TOP1: variants seen among roughly 807,000 people sequenced by gnomAD.
TOP1 encodes the protein DNA topoisomerase I.
TOP1 carries 10 observed loss-of-function variants against 111.1 expected under a neutral mutation model. The observed-to-expected ratio is 0.09, with a 90% CI of 0.06 to 0.15. The LOEUF is 0.15. TOP1 is among the 10% of genes least tolerant of loss of function. The probability of loss-of-function intolerance (pLI) is 1.00; values close to 1 mark genes in which losing one functional copy is unlikely to be tolerated. For synonymous variants in TOP1, 271 were observed against 302.9 expected (o/e 0.89, Z 1.10); for missense variants, 474 against 926.7 (o/e 0.51, Z 6.34).
At chr20:41,045,606 C>A (rs929330488) in intron 2 of TOP1, among the ~76,000 whole-genome samples, 65 of 152,284 alleles carry the variant, frequency 4.3e-4, no homozygotes, top group African/African-American at 1.4e-3. Context: ...TTTATGTACA[C>A]CTTTATGGAT....
intron 2 of TOP1, among the ~76,000 whole-genome samples, chr20:41,036,836 T>TTTC (rs1555802403): frequency 6.9e-6 from 1 of 144,366 alleles, no homozygotes; most frequent in African/African-American, 2.5e-5. Flanking sequence ...ACTTTTCTTT[T>TTTC]TTTTTTTTTT....
chr20:41,123,424 G>T lies in TOP1; in HGVS notation c.*127G>T. The T allele has an allele frequency of 1.6e-6, 1 of 621,670 alleles. No individual in the cohort carries two copies. Among genetic ancestry groups the T allele is most frequent in the African/African-American group, 1.9e-5 (1 of 53,812 alleles). 38.5% of individuals were successfully genotyped at this position (621,670 alleles called of 1,614,324 possible). A position where few individuals can be genotyped will look rare whatever the true frequency, so the allele number is the denominator to read the frequency against. ...CAAGTCTTAACAAACCAACATCTTTGCGAAAAGATAAACCTGGAGATATTA... is the reference window on the plus strand; with the variant it reads ...CAAGTCTTAACAAACCAACATCTTTTCGAAAAGATAAACCTGGAGATATTA... On this transcript the variant is annotated 3_prime_UTR_variant, in exon 21 of 21. Transcript: ENST00000361337. This position sits in a 1 kb window ranked among gnomAD's most constrained non-coding sequence, Gnocchi z 5.8.
chr20:41,110,567 C>T lies in TOP1; in HGVS notation c.1309-2215C>T, dbSNP rs2145961738. Among the ~76,000 whole-genome samples the T allele has an allele frequency of 6.6e-6, 1 of 151,474 alleles. No homozygotes were observed. On this transcript the variant is annotated intron_variant, in intron 13 of 20. Coordinates refer to ENST00000361337, the MANE Select transcript of TOP1 (RefSeq NM_003286.4). This position sits in a 1 kb window ranked among gnomAD's most constrained non-coding sequence, Gnocchi z 4.2. ...TCTTGAATCCAGATCCTGATTCCACCCAACCACTCTGCTGAATGGATAGCA... is the reference window on the plus strand; with the variant it reads ...TCTTGAATCCAGATCCTGATTCCACTCAACCACTCTGCTGAATGGATAGCA...
intron 2 of TOP1, among the ~76,000 whole-genome samples, chr20:41,038,664 T>C (rs1346828085): frequency 6.6e-6 from 1 of 152,080 alleles, no homozygotes; most frequent in African/African-American, 2.4e-5. Flanking sequence ...CACCACTTTG[T>C]TTGTTTCTCA....
intron 8 of TOP1, among the ~76,000 whole-genome samples, chr20:41,088,279 A>T (rs921259304): frequency 3.9e-5 from 6 of 152,114 alleles, no homozygotes; most frequent in African/African-American, 9.7e-5. Flanking sequence ...CGGGCAGATC[A>T]CGAGGTCAGT....
At position 41,110,716 on chromosome 20, in the gene TOP1, G is replaced by C. The variant is rs528268184; in HGVS notation, c.1309-2066G>C. ...GAAGTGTGATTGAATTAGGGAAAGA[G>C]GAGAGGTGGTCAAAGGCAGCCTTCT... On this transcript the variant is annotated intron_variant, in intron 13 of 20. Transcript: ENST00000361337. The surrounding 1 kb of genome is among the most constrained non-coding windows in gnomAD (Gnocchi z 4.2). Among the ~76,000 whole-genome samples, 1 of 152,366 alleles carries C rather than the reference G, an allele frequency of 6.6e-6. No homozygotes were observed. The highest frequency in any genetic ancestry group is 1.9e-4 in the East Asian group (1 of 5,194).
chr20:41,089,112 C>T (rs994209722), intron 8 of TOP1, among the ~76,000 whole-genome samples: 2 of 145,626 alleles, frequency 1.4e-5, no homozygotes, highest in South Asian at 4.3e-4. Flanking sequence ...GCAACCTTCG[C>T]CTCCTGGGTT....
rs772134783 is a variant in TOP1, at chr20:41,092,632, C to T, written c.730+45C>T. 41 of 935,232 alleles carry T rather than the reference C, an allele frequency of 4.4e-5. No individual in the cohort carries two copies. Among genetic ancestry groups the T allele is most frequent in the Non-Finnish European group, 1.5e-5 (9 of 604,452 alleles). 57.9% of individuals were successfully genotyped at this position (935,232 alleles called of 1,614,324 possible). On this transcript the variant is annotated intron_variant, in intron 9 of 20. Transcript: ENST00000361337. The surrounding 1 kb of genome is among the most constrained non-coding windows in gnomAD (Gnocchi z 4.3). Reference sequence around the variant, plus strand: ...TTGATTCTTGGCCAGGAAAAGAAATCTGCTTCTATTTAGGGATAGAAAACA... The same window carrying T: ...TTGATTCTTGGCCAGGAAAAGAAATTTGCTTCTATTTAGGGATAGAAAACA...
chr20:41,099,052 A>G (rs967101721), intron 11 of TOP1, among the ~76,000 whole-genome samples: 3 of 152,178 alleles, frequency 2.0e-5, no homozygotes, highest in Non-Finnish European at 4.4e-5. Flanking sequence ...ATTTTTACCA[A>G]TCGGAAGTCC....
chr20:41,056,078 C>G (rs961730192), intron 2 of TOP1, among the ~76,000 whole-genome samples: 4 of 152,180 alleles, frequency 2.6e-5, no homozygotes, highest in Non-Finnish European at 4.4e-5. Flanking sequence ...ATCCCCGTAT[C>G]CCTTGGTGCT....
chr20:41,042,099 G>A (rs191528948), intron 2 of TOP1, among the ~76,000 whole-genome samples: 11 of 152,178 alleles, frequency 7.2e-5, no homozygotes, highest in African/African-American at 2.4e-4. Flanking sequence ...TAGTGGAGAC[G>A]GAGTTTTGCC....
chr20:41,123,471 G>C lies in TOP1; in HGVS notation c.*174G>C, dbSNP rs1223037785. ...ATTATAAGGGAGAGCTGAGCCAGTT[G>C]TCCTATGGACAACTTATTTAAAAAT... On this transcript the variant is annotated 3_prime_UTR_variant, in exon 21 of 21. Coordinates refer to ENST00000361337, the MANE Select transcript of TOP1 (RefSeq NM_003286.4). The surrounding 1 kb of genome is among the most constrained non-coding windows in gnomAD (Gnocchi z 5.8). The C allele has an allele frequency of 2.1e-6, 1 of 482,170 alleles. No homozygotes were observed. Among genetic ancestry groups the C allele is most frequent in the Non-Finnish European group, 3.6e-6 (1 of 273,988 alleles). The allele number at this position is 482,170 out of a possible 1,614,324, so 29.9% of individuals were successfully genotyped here.
At chr20:41,036,943 G>C (rs1057038227) in intron 2 of TOP1, among the ~76,000 whole-genome samples, 1 of 148,530 alleles carries the variant, frequency 6.7e-6, no homozygotes, top group Non-Finnish European at 1.5e-5. Context: ...CCATTCTCCT[G>C]CCTTAGCCTC....
chr20:41,088,145 G>T (rs6093438), intron 8 of TOP1, among the ~76,000 whole-genome samples: 2,841 of 152,260 alleles, frequency 0.019, 86 homozygotes, highest in African/African-American at 0.064. Context: ...AGTTGCTGTG[G>T]GTCTTCAGGA....
At chr20:41,077,504 A>T (rs1053818335) in intron 4 of TOP1, 78 bp from the exon 5 acceptor site, 3 of 1,151,510 alleles carry the variant, frequency 2.6e-6, no homozygotes, top group Admixed American at 1.7e-5. Context: ...CCAGGAACTG[A>T]TGCTACATAT....
At chr20:41,048,785 A>T (rs1301897945) in intron 2 of TOP1, among the ~76,000 whole-genome samples, 1 of 152,202 alleles carries the variant, frequency 6.6e-6, no homozygotes, top group Admixed American at 6.5e-5. Context: ...TGAAGTCTGA[A>T]TTATTTTTTT....
chr20:41,029,292 G>A lies in TOP1; in HGVS notation c.34-139G>A, dbSNP rs556687116. 46 of 823,152 alleles carry A rather than the reference G, an allele frequency of 5.6e-5. 1 individual carries two copies. In the South Asian group the frequency reaches 1.0e-3, roughly 18 times the overall value. 51.0% of individuals were successfully genotyped at this position (823,152 alleles called of 1,614,324 possible). A position where few individuals can be genotyped will look rare whatever the true frequency, so the allele number is the denominator to read the frequency against. ...CCGCGAAGTTACAGTTCGAGGCAGG[G>A]ATGGCTGCCCTCTGTGGCCACCCCC... On this transcript the variant is annotated intron_variant, in intron 1 of 20. Coordinates refer to ENST00000361337, the MANE Select transcript of TOP1 (RefSeq NM_003286.4). This position sits in a 1 kb window ranked among gnomAD's most constrained non-coding sequence, Gnocchi z 6.1.
chr20:41,090,812 C>CATTG, intron 8 of TOP1, among the ~76,000 whole-genome samples: 1 of 152,174 alleles, frequency 6.6e-6, no homozygotes, highest in Non-Finnish European at 1.5e-5. Context: ...AGCTGCAATT[C>CATTG]ATTTATTCTT....
chr20:41,096,127 C>T (rs185887393), intron 9 of TOP1, among the ~76,000 whole-genome samples: 4 of 152,256 alleles, frequency 2.6e-5, no homozygotes, highest in Admixed American at 6.5e-5. Flanking sequence ...AGTGCAGTGG[C>T]GTGATCTTGG....
Sources: gnomAD v4.1 joint callset for allele counts (sites outside exome capture counted in the v4.1 genomes callset) on GRCh38, gnomAD v4.1.1 for gene constraint, Gnocchi (gnomAD v3.1) non-coding constraint, MANE v1.5 for transcripts, NCBI Gene and HGNC (gene_info 2026-07-23, HGNC 2026-07-21) for gene names.